The following CLTCL1 variants were observed in gnomAD, a reference collection of about 807,000 sequenced individuals.
CLTCL1 encodes clathrin heavy chain like 1.
In CLTCL1, 159 loss-of-function variants were observed where a neutral mutation model predicts 190.0. The observed-to-expected ratio is 0.84, with a 90% CI of 0.74 to 0.95. The LOEUF (loss-of-function observed/expected upper bound fraction) is 0.95. Among genes scored for constraint, CLTCL1 ranks in the 40% least tolerant of loss-of-function variants. CLTCL1 has a pLI of 0.00. For synonymous variants in CLTCL1, 752 were observed against 769.6 expected (o/e 0.98, Z 0.38); for missense variants, 1,878 against 2,033.4 (o/e 0.92, Z 1.47).
Position 19,199,781 on chromosome 22 carries a change from T to C in CLTCL1, c.3826A>G (p.Ile1276Val), listed in dbSNP as rs782053898. The change falls in exon 24 of 33, where the codon ATC (isoleucine) becomes GTC (valine). Residue 1276 changes from isoleucine (I) to valine (V), a missense_variant. Coordinates refer to ENST00000427926, the MANE Select transcript of CLTCL1 (RefSeq NM_007098.4). ...FRFAQLCGLHIVIHADELEEL... is the reference protein window; with the variant it reads ...FRFAQLCGLHVVIHADELEEL... Reference sequence around the variant, plus strand: ...TCCAGCTCATCTGCATGAATGACGATGTGAAGACCACACAGCTGTGCGAAG... The same window carrying C: ...TCCAGCTCATCTGCATGAATGACGACGTGAAGACCACACAGCTGTGCGAAG... The C allele has an allele frequency of 1.0e-5, 16 of 1,598,586 alleles. No individual in the cohort carries two copies. The highest frequency in any genetic ancestry group is 5.2e-5 in the Admixed American group (3 of 57,874).
intron 24 of CLTCL1, among the ~76,000 whole-genome samples, chr22:19,199,116 CAG>C (rs1166340778): frequency 2.6e-5 from 4 of 152,310 alleles, no homozygotes; most frequent in Non-Finnish European, 4.4e-5. Context: ...CACTGCTGAG[CAG>C]AGTCAGATCC....
intron 26 of CLTCL1, among the ~76,000 whole-genome samples, chr22:19,193,769 T>C (rs1555933865): frequency 6.6e-6 from 1 of 152,210 alleles, no homozygotes; most frequent in Non-Finnish European, 1.5e-5. Flanking sequence ...AGTTTGTTCC[T>C]TCAGATGTTG....
Position 19,203,544 on chromosome 22 carries a change from C to T in CLTCL1, c.3601-2051G>A, listed in dbSNP as rs781494198. On this transcript the variant is annotated intron_variant, in intron 22 of 32. Coordinates refer to ENST00000427926, the MANE Select transcript of CLTCL1 (RefSeq NM_007098.4). ...TCCAGACAGACGCAGACATGGTTTT[C>T]TGGACACCCCTGCCTGCTTTTCTCC... 3.5e-4 allele frequency among the ~76,000 whole-genome samples: 54 copies of T among 152,274 alleles called. 1 individual carries two copies. Among genetic ancestry groups the T allele is most frequent in the Middle Eastern group, 6.8e-3 (2 of 294 alleles).
chr22:19,213,875 T>C (rs1489556211), intron 19 of CLTCL1, among the ~76,000 whole-genome samples: 3 of 152,190 alleles, frequency 2.0e-5, no homozygotes, highest in African/African-American at 7.2e-5. Flanking sequence ...AGATCTACAC[T>C]TGTGTTAAAA....
At chr22:19,185,437 C>T (rs2084284217) in intron 29 of CLTCL1, among the ~76,000 whole-genome samples, 1 of 152,114 alleles carries the variant, frequency 6.6e-6, no homozygotes, top group African/African-American at 2.4e-5. Context: ...CGCCATTCTC[C>T]TGCCTCAGCC....
intron 1 of CLTCL1, among the ~76,000 whole-genome samples, chr22:19,289,145 G>A (rs1191688919): frequency 3.3e-5 from 5 of 152,074 alleles, no homozygotes; most frequent in Non-Finnish European, 7.3e-5. Flanking sequence ...CAACACGCCC[G>A]GCTAATACTG....
chr22:19,231,641 T>C (rs1313839808), intron 10 of CLTCL1, among the ~76,000 whole-genome samples: 2 of 152,242 alleles, frequency 1.3e-5, no homozygotes, highest in Non-Finnish European at 2.9e-5. Flanking sequence ...CTTAGTAAGA[T>C]GTGAAATACA....
chr22:19,196,689 T>C (rs2084719449), intron 24 of CLTCL1, 33 bp from the exon 25 acceptor site: 1 of 1,591,270 alleles, frequency 6.3e-7, no homozygotes, highest in Non-Finnish European at 8.6e-7. Flanking sequence ...TGGGGCAGAG[T>C]GATTGCATGC....
rs782521280 is a variant in CLTCL1 at position 19,180,759 on chromosome 22, A to G, written c.4875T>C (p.His1625=). 6.2e-7 allele frequency: 1 copy of G among 1,613,628 alleles called. No homozygotes were observed. The highest frequency in any genetic ancestry group is 1.3e-5 in the African/African-American group (1 of 74,914). Residue 1625 remains histidine, a synonymous_variant, in exon 31 of 33, where the codon CAT becomes CAC. Transcript: ENST00000427926. ...ALESLRKQEE[H]VTEPAPLVFD... is the part of the protein sequence containing the mutation. ...ACACGAGAGGGGCAGGCTCTGTCAC[A>G]TGCTCCTCTTGCTTGCGCAGACTCT...
chr22:19,237,528 G>T (rs2086117969), intron 5 of CLTCL1, among the ~76,000 whole-genome samples: 1 of 152,104 alleles, frequency 6.6e-6, no homozygotes, highest in Non-Finnish European at 1.5e-5. Flanking sequence ...GTGTGCCCCT[G>T]ACCCAGCAGT....
intron 28 of CLTCL1, 22 bp from the exon 29 acceptor site, chr22:19,187,750 G>A: frequency 6.2e-7 from 1 of 1,610,660 alleles, no homozygotes; most frequent in Non-Finnish European, 8.5e-7. Context: ...GCCTTTCTGT[G>A]AGGGATGGGA....
At chr22:19,183,695 G>A (rs533796361) in intron 29 of CLTCL1, 84 bp from the exon 30 acceptor site, 1 of 1,338,624 alleles carries the variant, frequency 7.5e-7, no homozygotes, top group Non-Finnish European at 1.0e-6. Flanking sequence ...GGCAGGGAGT[G>A]GCACTAGACT....
chr22:19,194,757 C>T (rs1256711175), intron 26 of CLTCL1, among the ~76,000 whole-genome samples: 2 of 152,246 alleles, frequency 1.3e-5, no homozygotes, highest in Non-Finnish European at 2.9e-5. Flanking sequence ...TTAGCAAGCT[C>T]CCCTGCTCAG....
Position 19,180,575 on chromosome 22 carries a change from C to T in CLTCL1, c.4903+156G>A, listed in dbSNP as rs182296306. ...CAGCGGCCGTGCCAACATTCCTGGG[C>T]GTACACTTCTCCACACCCAGTAGCC... is the stretch of plus-strand genomic sequence containing the variant. On this transcript the variant is annotated intron_variant, in intron 31 of 32. Transcript: ENST00000427926. 1.2e-4 allele frequency among the ~76,000 whole-genome samples: 18 copies of T among 152,314 alleles called. No individual in the cohort carries two copies. In the East Asian group the frequency reaches 3.3e-3, roughly 28 times the overall value.
rs2085894383 is a variant in CLTCL1 at position 19,230,727 on chromosome 22, C to T, written c.1645-752G>A. On this transcript the variant is annotated intron_variant, in intron 10 of 32. Coordinates refer to ENST00000427926, the MANE Select transcript of CLTCL1 (RefSeq NM_007098.4). ...GTAATCATACATTACTTAATCACAT[C>T]CTAGAGGCAGCTGTGATGCTTAACT... Among the ~76,000 whole-genome samples, 3 of 152,100 alleles carry T rather than the reference C, an allele frequency of 2.0e-5. No individual in the cohort carries two copies. In the South Asian group the frequency reaches 6.2e-4, roughly 31 times the overall value.
intron 24 of CLTCL1, 40 bp downstream of exon 24, chr22:19,199,694 C>A: frequency 1.3e-6 from 2 of 1,486,842 alleles, no homozygotes; most frequent in East Asian, 2.4e-5. Flanking sequence ...GTTTAGGCAT[C>A]ACTTGTCATC....
chr22:19,245,073 G>C (rs1234092853), intron 3 of CLTCL1, among the ~76,000 whole-genome samples: 1 of 151,914 alleles, frequency 6.6e-6, no homozygotes, highest in Non-Finnish European at 1.5e-5. Context: ...GCTGGAGTAA[G>C]AGCTAACCAG....
rs1346138360 is a variant in CLTCL1 at position 19,179,954 on chromosome 22, G to A, written c.*36C>T. 3.6e-6 allele frequency: 2 copies of A among 554,320 alleles called. No individual in the cohort carries two copies. Among genetic ancestry groups the A allele is most frequent in the African/African-American group, 3.8e-5 (2 of 52,906 alleles). 34.3% of individuals were successfully genotyped at this position (554,320 alleles called of 1,614,324 possible). ...TCCATAGGGGAAGCTGGCAGGGGCTGGGCCCACGGCAGGGCCTGCAGAGGG... is the reference window on the plus strand; with the variant it reads ...TCCATAGGGGAAGCTGGCAGGGGCTAGGCCCACGGCAGGGCCTGCAGAGGG... On this transcript the variant is annotated 3_prime_UTR_variant, in exon 33 of 33. Coordinates refer to ENST00000427926, the MANE Select transcript of CLTCL1 (RefSeq NM_007098.4).
chr22:19,273,527 C>T (rs1318317507), intron 2 of CLTCL1, among the ~76,000 whole-genome samples: 1 of 152,102 alleles, frequency 6.6e-6, no homozygotes, highest in African/African-American at 2.4e-5. Flanking sequence ...GAACACCAGC[C>T]TCAGGCAAGG....
Sources: gnomAD v4.1 joint callset for allele counts (sites outside exome capture counted in the v4.1 genomes callset) on GRCh38, gnomAD v4.1.1 for gene constraint, MANE v1.5 for transcripts, NCBI Gene and HGNC (gene_info 2026-07-23, HGNC 2026-07-21) for gene names.